TNNI3K: variants seen among roughly 807,000 people sequenced by gnomAD.
TNNI3K encodes the protein TNNI3 interacting kinase.
Under a neutral mutation model 114.5 loss-of-function variants are expected in TNNI3K, and 140 were observed. The ratio of observed to expected loss-of-function variants is 1.22; its 90% CI spans 1.07 to 1.41. The LOEUF (loss-of-function observed/expected upper bound fraction) is 1.41. TNNI3K is among the 40% of genes most tolerant of loss of function. The pLI, the probability that TNNI3K is intolerant of heterozygous loss-of-function variation, is 0.00. For missense variants in TNNI3K, 1,125 were observed against 1,007.6 expected (o/e 1.12, Z -1.58); for synonymous variants, 347 against 347.5 (o/e 1.00, Z 0.02).
chr1:74,498,953 T>G (rs1275946853), intron 23 of TNNI3K, among the ~76,000 whole-genome samples: 2 of 152,208 alleles, frequency 1.3e-5, no homozygotes, highest in African/African-American at 4.8e-5. Flanking sequence ...TATTTTAGCA[T>G]GAAATAAAAG....
At chr1:74,454,337 T>G (rs1437071985) in intron 20 of TNNI3K, among the ~76,000 whole-genome samples, 1 of 152,212 alleles carries the variant, frequency 6.6e-6, no homozygotes, top group African/African-American at 2.4e-5. Flanking sequence ...TGTACTTTTG[T>G]ATCTATTAAC....
In TNNI3K at chr1:74,342,986, T is replaced by C; in HGVS notation, c.827T>C (p.Leu276Pro). The C allele has an allele frequency of 6.2e-7, 1 of 1,613,830 alleles. No individual in the cohort carries two copies. The highest frequency in any genetic ancestry group is 8.5e-7 in the Non-Finnish European group (1 of 1,179,844). ...ATCTATGGAGATACCCCCTTACACC[T>C]GTGAGTATTATGTAGCATTCCATAG... The part of the protein sequence containing the change: ...VNIYGDTPLH[L>P]ACYNGKFEVA... Residue 276 changes from leucine to proline, a missense_variant and splice_region_variant, in exon 8 of 25, where the codon CTG (leucine) becomes CCG (proline). Leu to Pro is a moderately conservative substitution (Grantham distance 98). Coordinates refer to ENST00000326637, the MANE Select transcript of TNNI3K (RefSeq NM_015978.3).
In TNNI3K at chr1:74,489,268, A is replaced by C. The variant is rs142942027; in HGVS notation, c.2181+20A>C. Reference sequence around the variant, plus strand: ...ATTGAGGTAAAAGCTTTAGCTTCTGAAATATGTCCATAAAAAAGCCCTGCA... The same window carrying C: ...ATTGAGGTAAAAGCTTTAGCTTCTGCAATATGTCCATAAAAAAGCCCTGCA... On this transcript the variant is annotated intron_variant, in intron 22 of 24. Coordinates refer to ENST00000326637, the MANE Select transcript of TNNI3K (RefSeq NM_015978.3). The C allele has an allele frequency of 6.8e-3, 10,823 of 1,601,834 alleles. 76 individuals carry two copies. The highest frequency in any genetic ancestry group is 8.3e-3 in the Non-Finnish European group (9,773 of 1,175,766).
intron 5 of TNNI3K, among the ~76,000 whole-genome samples, chr1:74,292,961 T>C (rs946898593): frequency 3.3e-5 from 5 of 151,624 alleles, no homozygotes; most frequent in South Asian, 2.1e-4. Flanking sequence ...CTAGCAATGG[T>C]TTACTTTACC....
At chr1:74,470,952 G>A (rs1667897272) in intron 21 of TNNI3K, 2 of 400,572 alleles carry the variant, frequency 5.0e-6, no homozygotes, top group South Asian at 1.3e-4. Context: ...TGGAATGTTG[G>A]AATGGTAAAA....
intron 17 of TNNI3K, among the ~76,000 whole-genome samples, chr1:74,397,137 C>T (rs759879770): frequency 2.6e-4 from 40 of 151,742 alleles, no homozygotes; most frequent in African/African-American, 4.6e-4. Context: ...CACCACAGCT[C>T]GGCTCAGGCA....
chr1:74,366,415 G>A (rs999896456), intron 11 of TNNI3K, among the ~76,000 whole-genome samples: 2 of 151,918 alleles, frequency 1.3e-5, no homozygotes, highest in African/African-American at 4.8e-5. Context: ...TAAGCCCCTA[G>A]TGTAACTAGT....
At chr1:74,240,927 C>T (rs910297220) in intron 2 of TNNI3K, 1 of 151,884 alleles carries the variant, frequency 6.6e-6, no homozygotes, top group African/African-American at 2.4e-5. Flanking sequence ...TGCTATCCCT[C>T]CCCCTCCCCA....
intron 9 of TNNI3K, 39 bp downstream of exon 9, chr1:74,343,218 C>A: frequency 6.4e-7 from 1 of 1,570,602 alleles, no homozygotes; most frequent in South Asian, 1.2e-5. Flanking sequence ...CTAAACTTAG[C>A]TGACACTCTA....
At chr1:74,396,287 AAG>A (rs201589924) in intron 17 of TNNI3K, among the ~76,000 whole-genome samples, 2,458 of 152,284 alleles carry the variant, frequency 0.016, 39 homozygotes, top group Non-Finnish European at 0.02. Flanking sequence ...AGAAAAATGT[AAG>A]AGAGACATTG....
intron 9 of TNNI3K, among the ~76,000 whole-genome samples, chr1:74,343,871 A>T (rs995273643): frequency 2.0e-5 from 3 of 152,216 alleles, no homozygotes; most frequent in African/African-American, 7.2e-5. Context: ...CCCAAAAGGA[A>T]GGTGGATGTT....
intron 23 of TNNI3K, among the ~76,000 whole-genome samples, chr1:74,494,528 G>GTC (rs1206049089): frequency 6.6e-6 from 1 of 152,218 alleles, no homozygotes; most frequent in African/African-American, 2.4e-5. Flanking sequence ...ATTAGATTTG[G>GTC]TCACATCATC....
At chr1:74,488,585 G>T (rs1402431304) in intron 21 of TNNI3K, among the ~76,000 whole-genome samples, 5 of 152,070 alleles carry the variant, frequency 3.3e-5, no homozygotes, top group Non-Finnish European at 5.9e-5. Context: ...CTTGCAACTG[G>T]AACAAAGCTT....
intron 5 of TNNI3K, among the ~76,000 whole-genome samples, chr1:74,318,538 A>C (rs910126414): frequency 6.6e-6 from 1 of 152,218 alleles, no homozygotes; most frequent in Non-Finnish European, 1.5e-5. Context: ...TGGATGAGCA[A>C]ATGTTTGAGG....
chr1:74,342,823 T>C lies in TNNI3K; in HGVS notation c.683-19T>C, dbSNP rs2100444659. 6.2e-7 allele frequency: 1 copy of C among 1,613,018 alleles called. No individual in the cohort carries two copies. Among genetic ancestry groups the C allele is most frequent in the Non-Finnish European group, 8.5e-7 (1 of 1,179,660 alleles). On this transcript the variant is annotated intron_variant, in intron 7 of 24. Coordinates refer to ENST00000326637, the MANE Select transcript of TNNI3K (RefSeq NM_015978.3). ...AACAATTCTAGATAACATATCTTTT[T>C]CTTTCTTGCTGATAACAGTGAATGC... is the stretch of plus-strand genomic sequence containing the variant.
intron 5 of TNNI3K, among the ~76,000 whole-genome samples, chr1:74,308,787 C>G (rs1369921573): frequency 6.6e-6 from 1 of 151,920 alleles, no homozygotes; most frequent in East Asian, 1.9e-4. Context: ...AGAGAGAAGA[C>G]TCAAATAAGT....
intron 23 of TNNI3K, among the ~76,000 whole-genome samples, chr1:74,526,742 A>T (rs1194978490): frequency 6.6e-6 from 1 of 152,224 alleles, no homozygotes; most frequent in Non-Finnish European, 1.5e-5. Context: ...TCCTACATTC[A>T]CTGAGATATC....
chr1:74,463,289 A>AC, intron 20 of TNNI3K, 152 bp from the exon 21 acceptor site: 1 of 730,228 alleles, frequency 1.4e-6, no homozygotes, highest in Non-Finnish European at 2.3e-6. Flanking sequence ...CTTTCTTTAG[A>AC]CCATTGGGGG....
At chr1:74,243,174 A>G (rs951748182) in intron 2 of TNNI3K, among the ~76,000 whole-genome samples, 2 of 150,372 alleles carry the variant, frequency 1.3e-5, no homozygotes, top group Non-Finnish European at 3.0e-5. Context: ...TGTCACTCTA[A>G]CTATAATTGT....
Sources: gnomAD v4.1 joint callset for allele counts (sites outside exome capture counted in the v4.1 genomes callset) on GRCh38, gnomAD v4.1.1 for gene constraint, MANE v1.5 for transcripts, NCBI Gene and HGNC (gene_info 2026-07-23, HGNC 2026-07-21) for gene names.